The following TMEM51 variants were observed in gnomAD, a reference collection of about 807,000 sequenced individuals.
TMEM51 encodes the protein transmembrane protein 51.
A neutral mutation model predicts 13.6 loss-of-function variants in TMEM51; 8 were observed. The ratio of observed to expected loss-of-function variants is 0.59; its 90% CI spans 0.35 to 1.07. The LOEUF (loss-of-function observed/expected upper bound fraction) is 1.07. Ranked by LOEUF, TMEM51 falls within the 50% of genes least tolerant of loss-of-function variation. TMEM51 has a pLI of 0.02. For synonymous variants in TMEM51, 147 were observed against 144.4 expected (o/e 1.02, Z -0.13); for missense variants, 279 against 330.7 (o/e 0.84, Z 1.21).
chr1:15,192,275 G>T, intron 1 of TMEM51: 1 of 354,884 alleles, frequency 2.8e-6, no homozygotes, highest in Non-Finnish European at 5.6e-6. Context: ...GGGTTTGAAG[G>T]GAGTTGATTG....
chr1:15,174,287 G>A (rs1254241819), intron 1 of TMEM51, among the ~76,000 whole-genome samples: 1 of 152,120 alleles, frequency 6.6e-6, no homozygotes. Context: ...CTCTTGTCCA[G>A]GCTGGAGTAC....
chr1:15,193,708 A>G (rs1413708682), intron 1 of TMEM51, among the ~76,000 whole-genome samples: 1 of 150,676 alleles, frequency 6.6e-6, no homozygotes, highest in African/African-American at 2.5e-5. Context: ...GCGTGCCACC[A>G]CGCCCAGCTA....
At chr1:15,188,303 C>T (rs1643847591) in intron 1 of TMEM51, among the ~76,000 whole-genome samples, 1 of 152,154 alleles carries the variant, frequency 6.6e-6, no homozygotes, top group African/African-American at 2.4e-5. Flanking sequence ...GTGTTTCCCC[C>T]AAAGCAAAGA....
intron 1 of TMEM51, chr1:15,191,826 C>T (rs1643927294): frequency 2.1e-6 from 1 of 465,342 alleles, no homozygotes; most frequent in Admixed American, 2.2e-5. Flanking sequence ...ACTCTAGTGG[C>T]CAAACCAGTG....
At chr1:15,160,816 A>T (rs950928084) in intron 1 of TMEM51, among the ~76,000 whole-genome samples, 6 of 152,008 alleles carry the variant, frequency 3.9e-5, no homozygotes, top group Non-Finnish European at 5.9e-5. Context: ...TACATATGGT[A>T]TGCCAGGCGC....
At chr1:15,214,740 C>G (rs1644396524) in intron 2 of TMEM51, among the ~76,000 whole-genome samples, 155 bp from the exon 3 acceptor site, 1 of 152,194 alleles carries the variant, frequency 6.6e-6, no homozygotes, top group Non-Finnish European at 1.5e-5. Flanking sequence ...AGCCTGAGCA[C>G]GTAAGACATC....
intron 1 of TMEM51, among the ~76,000 whole-genome samples, chr1:15,169,644 G>A (rs551671970): frequency 6.6e-6 from 1 of 152,200 alleles, no homozygotes; most frequent in Admixed American, 6.5e-5. Flanking sequence ...ATGTCTTCTT[G>A]TAGAAACAAC....
At chr1:15,186,472 G>A (rs761294) in intron 1 of TMEM51, among the ~76,000 whole-genome samples, 29,673 of 152,096 alleles carry the variant, frequency 0.2, 3,122 homozygotes, top group Middle Eastern at 0.25. Context: ...GAGGGAGAGC[G>A]GGGGGTCATG....
At chr1:15,216,032 A>C (rs977352971) in intron 3 of TMEM51, among the ~76,000 whole-genome samples, 29 of 105,106 alleles carry the variant, frequency 2.8e-4, no homozygotes, top group African/African-American at 9.4e-4. Context: ...ACTCTGTCTC[A>C]AAAAAAAAAA....
chr1:15,214,188 C>T (rs536901370), intron 2 of TMEM51, among the ~76,000 whole-genome samples: 5 of 151,998 alleles, frequency 3.3e-5, no homozygotes, highest in South Asian at 2.1e-4. Flanking sequence ...GAGATGATGA[C>T]AATGTGGTCA....
chr1:15,196,367 A>G (rs1029383513), intron 1 of TMEM51, among the ~76,000 whole-genome samples: 2 of 146,454 alleles, frequency 1.4e-5, no homozygotes, highest in African/African-American at 2.5e-5. Flanking sequence ...GGCAATCACT[A>G]CAAATCTGGG....
chr1:15,216,742 G>A (rs539246315), intron 3 of TMEM51, among the ~76,000 whole-genome samples: 4 of 152,254 alleles, frequency 2.6e-5, no homozygotes, highest in Middle Eastern at 6.8e-3. Flanking sequence ...GTTAAATGAC[G>A]TACCTATTCA....
chr1:15,177,955 C>T (rs1038373605), intron 1 of TMEM51, among the ~76,000 whole-genome samples: 4 of 152,218 alleles, frequency 2.6e-5, no homozygotes, highest in African/African-American at 9.6e-5. Flanking sequence ...TAGGGAGACA[C>T]GACTTATCAA....
chr1:15,211,965 C>T lies in TMEM51; in HGVS notation c.-194+1403C>T, dbSNP rs370222851. Among the ~76,000 whole-genome samples the T allele has an allele frequency of 6.7e-3, 1,022 of 152,076 alleles. 7 individuals carry two copies. Among genetic ancestry groups the T allele is most frequent in the South Asian group, 0.026 (127 of 4,822 alleles). Reference sequence around the variant, plus strand: ...GAGAATTTTTTAAAAATTAGAATCACGCTGAACACACTGTTGTTTCAATCT... The same window carrying T: ...GAGAATTTTTTAAAAATTAGAATCATGCTGAACACACTGTTGTTTCAATCT... On this transcript the variant is annotated intron_variant, in intron 2 of 3. Transcript: ENST00000376008.
chr1:15,201,749 A>C (rs1244523619), intron 1 of TMEM51, among the ~76,000 whole-genome samples: 1 of 152,224 alleles, frequency 6.6e-6, no homozygotes, highest in African/African-American at 2.4e-5. Flanking sequence ...TCTTGGCAGC[A>C]GGTTTGGGAA....
chr1:15,209,315 T>C (rs1192945806), intron 1 of TMEM51, among the ~76,000 whole-genome samples: 1 of 151,980 alleles, frequency 6.6e-6, no homozygotes, highest in African/African-American at 2.4e-5. Context: ...CAGGCTAGTC[T>C]CGAACTCCTG....
At chr1:15,213,866 G>A (rs1275369874) in intron 2 of TMEM51, among the ~76,000 whole-genome samples, 1 of 151,944 alleles carries the variant, frequency 6.6e-6, no homozygotes, top group Non-Finnish European at 1.5e-5. Context: ...TTTCGAGACA[G>A]AGTCTTGCTC....
intron 1 of TMEM51, among the ~76,000 whole-genome samples, chr1:15,159,883 A>G (rs1421515759): frequency 6.6e-6 from 1 of 152,148 alleles, no homozygotes; most frequent in East Asian, 1.9e-4. Flanking sequence ...GAAGCTTCCC[A>G]GGCCCATCCC....
chr1:15,163,562 T>C (rs1046239588), intron 1 of TMEM51, among the ~76,000 whole-genome samples: 34 of 150,528 alleles, frequency 2.3e-4, no homozygotes, highest in African/African-American at 8.3e-4. Context: ...GAAAACACCA[T>C]AATTTCAATT....
Sources: allele counts gnomAD v4.1 joint callset (sites outside exome capture counted in the v4.1 genomes callset), GRCh38; gene constraint gnomAD v4.1.1; transcripts MANE v1.5; gene names NCBI Gene and HGNC (gene_info 2026-07-23, HGNC 2026-07-21).